Variants in PHACTR4 observed in about 807,000 individuals in gnomAD.
PHACTR4 encodes the protein protein phosphatase 1, regulatory subunit 124.
PHACTR4 carries 51 observed loss-of-function variants against 72.7 expected under a neutral mutation model. The observed-to-expected ratio is 0.70, with a 90% CI of 0.56 to 0.89. The LOEUF (loss-of-function observed/expected upper bound fraction) is 0.89, where lower values mean the gene tolerates loss of function less well. Ranked by LOEUF, PHACTR4 falls within the 40% of genes least tolerant of loss-of-function variation. The probability of loss-of-function intolerance (pLI) is 0.00; values close to 1 mark genes in which losing one functional copy is unlikely to be tolerated. For missense variants in PHACTR4, 731 were observed against 861.8 expected (o/e 0.85, Z 1.90); for synonymous variants, 255 against 302.5 (o/e 0.84, Z 1.63).
At chr1:28,483,645 C>CA (rs201735853) in intron 9 of PHACTR4, among the ~76,000 whole-genome samples, 4,009 of 151,150 alleles carry the variant, frequency 0.027, 154 homozygotes, top group African/African-American at 0.093. Flanking sequence ...ACTAAAAATA[C>CA]AAAAAAATTA....
At chr1:28,370,491 CTG>C (rs1331456278) in intron 1 of PHACTR4, among the ~76,000 whole-genome samples, 1 of 152,112 alleles carries the variant, frequency 6.6e-6, no homozygotes, top group African/African-American at 2.4e-5. Flanking sequence ...GCTGCGATGT[CTG>C]TGCAGCTCAC....
chr1:28,473,690 T>G lies in PHACTR4; in HGVS notation c.960T>G (p.Ser320Arg), dbSNP rs372131723. 4 of 1,613,984 alleles carry G rather than the reference T, an allele frequency of 2.5e-6. No homozygotes were observed. Among genetic ancestry groups the G allele is most frequent in the African/African-American group, 1.3e-5 (1 of 74,960 alleles). ...SAAAITTKTP[S>R]DEREKSTCSM... Reference sequence around the variant, plus strand: ...CTGCCATCACCACAAAAACACCAAGTGATGAAAGAGAGAAGAGCACGTGTT... The same window carrying G: ...CTGCCATCACCACAAAAACACCAAGGGATGAAAGAGAGAAGAGCACGTGTT... Residue 320 changes from serine (S) to arginine (R), a missense_variant, in exon 7 of 14, where the codon AGT (serine) becomes AGG (arginine). Transcript: ENST00000373839.
At chr1:28,441,198 A>G (rs1202679422) in intron 2 of PHACTR4, among the ~76,000 whole-genome samples, 1 of 152,066 alleles carries the variant, frequency 6.6e-6, no homozygotes, top group East Asian at 1.9e-4. Context: ...TTAAAGATTA[A>G]GGCATACTTC....
At chr1:28,476,375 A>G (rs747085125) in intron 8 of PHACTR4, 84 bp downstream of exon 8, 61 of 1,354,402 alleles carry the variant, frequency 4.5e-5, no homozygotes, top group Non-Finnish European at 5.9e-5. Flanking sequence ...CAAAAGAGAT[A>G]TGGAAACAGG....
chr1:28,438,527 G>A lies in PHACTR4; in HGVS notation c.17-20558G>A, dbSNP rs536627139. 6.1e-6 allele frequency: 8 copies of A among 1,309,750 alleles called. No individual in the cohort carries two copies. The East Asian group carries it at 2.0e-4, about 32-fold the overall frequency. The allele number at this position is 1,309,750 out of a possible 1,614,324, so 81.1% of individuals were successfully genotyped here. Reference sequence around the variant, plus strand: ...TTTATGTGAAGTTAAACACGAGAATGTTGATGATCCCAACTTTGAAATGTT... The same window carrying A: ...TTTATGTGAAGTTAAACACGAGAATATTGATGATCCCAACTTTGAAATGTT... On this transcript the variant is annotated intron_variant, in intron 2 of 13. Transcript: ENST00000373839.
intron 3 of PHACTR4, 100 bp from the exon 4 acceptor site, chr1:28,460,112 T>TAAACTA: frequency 1.5e-6 from 1 of 671,008 alleles, no homozygotes; most frequent in Non-Finnish European, 2.5e-6. Context: ...AATATAAACT[T>TAAACTA]AAACTACTTT....
At chr1:28,380,279 A>G (rs1020440405) in intron 1 of PHACTR4, among the ~76,000 whole-genome samples, 13 of 150,782 alleles carry the variant, frequency 8.6e-5, no homozygotes, top group Non-Finnish European at 1.6e-4. Context: ...GATGGTCTCG[A>G]TCTCCTGACC....
At chr1:28,414,947 T>G (rs562736831) in intron 2 of PHACTR4, among the ~76,000 whole-genome samples, 1 of 152,128 alleles carries the variant, frequency 6.6e-6, no homozygotes, top group Non-Finnish European at 1.5e-5. Flanking sequence ...TAACCTATAC[T>G]GGTGTATACT....
intron 2 of PHACTR4, chr1:28,453,603 C>A: frequency 9.0e-7 from 1 of 1,116,042 alleles, no homozygotes; most frequent in South Asian, 1.4e-5. Flanking sequence ...GCATTTCTGA[C>A]CTTCTACAGT....
chr1:28,415,300 C>A (rs1385437265), intron 2 of PHACTR4, among the ~76,000 whole-genome samples: 1 of 151,456 alleles, frequency 6.6e-6, no homozygotes, highest in African/African-American at 2.4e-5. Context: ...GAAAAAAATT[C>A]ATGGCTACAC....
intron 2 of PHACTR4, among the ~76,000 whole-genome samples, chr1:28,454,553 C>T (rs958986952): frequency 1.4e-4 from 22 of 151,838 alleles, no homozygotes; most frequent in East Asian, 1.9e-4. Flanking sequence ...TGTGAGCCGC[C>T]GCGCCCGGCC....
rs757621637 is a variant in PHACTR4 at position 28,466,445 on chromosome 1, C to T, written c.500C>T (p.Pro167Leu). The change falls in exon 6 of 14, where the codon CCT becomes CTT. Residue 167 changes from proline (P) to leucine (L), a missense_variant. By Grantham distance (98) the Pro-to-Leu change is moderately conservative (BLOSUM62 -3). Transcript: ENST00000373839. ...GTTCCTGAGAATGTACCCAAACCACCTTTACTTCCTCCCAAAAGACCCTTG... is the reference window on the plus strand; with the variant it reads ...GTTCCTGAGAATGTACCCAAACCACTTTTACTTCCTCCCAAAAGACCCTTG... ...ESVPENVPKP[P>L]LLPPKRPLSS... 2 of 1,614,022 alleles carry T rather than the reference C, an allele frequency of 1.2e-6. No individual in the cohort carries two copies. Among genetic ancestry groups the T allele is most frequent in the Admixed American group, 1.7e-5 (1 of 59,976 alleles).
At chr1:28,401,662 G>A (rs988741942) in intron 1 of PHACTR4, among the ~76,000 whole-genome samples, 15 of 152,070 alleles carry the variant, frequency 9.9e-5, no homozygotes, top group Admixed American at 2.6e-4. Flanking sequence ...CTGGAGTGCC[G>A]TGGTGCAGTC....
chr1:28,411,187 C>T (rs1386921758), intron 2 of PHACTR4, among the ~76,000 whole-genome samples: 1 of 151,806 alleles, frequency 6.6e-6, no homozygotes, highest in East Asian at 1.9e-4. Flanking sequence ...GCTGGGACTA[C>T]AGGCACCTGC....
At chr1:28,483,369 C>G (rs1432690969) in intron 9 of PHACTR4, among the ~76,000 whole-genome samples, 1 of 151,808 alleles carries the variant, frequency 6.6e-6, no homozygotes, top group Non-Finnish European at 1.5e-5. Context: ...GCGATCAAGG[C>G]CCAGGAGGTC....
chr1:28,409,457 A>G (rs1323346060), intron 2 of PHACTR4, among the ~76,000 whole-genome samples: 1 of 152,208 alleles, frequency 6.6e-6, no homozygotes, highest in Non-Finnish European at 1.5e-5. Flanking sequence ...AACATTGACT[A>G]GGAAGACTAG....
At chr1:28,456,979 G>A (rs767307752) in intron 2 of PHACTR4, among the ~76,000 whole-genome samples, 3 of 152,122 alleles carry the variant, frequency 2.0e-5, no homozygotes, top group Non-Finnish European at 2.9e-5. Context: ...CATGTAAAGT[G>A]TTAAAGTAAT....
intron 2 of PHACTR4, among the ~76,000 whole-genome samples, chr1:28,436,062 G>A (rs1024240724): frequency 2.0e-5 from 3 of 152,126 alleles, no homozygotes; most frequent in Middle Eastern, 3.4e-3. Context: ...CCTTAGCATT[G>A]AGGTTTTCTT....
At position 28,376,576 on chromosome 1, in the gene PHACTR4, G is replaced by A. The variant is rs533919478; in HGVS notation, c.-39+6751G>A. On this transcript the variant is annotated intron_variant, in intron 1 of 13. Transcript: ENST00000373839. ...ACTCCTGAGCTGAAGCGATCCACCC[G>A]CCTTGGCCTCCCAAAGTGCTGGGAT... Among the ~76,000 whole-genome samples the A allele has an allele frequency of 2.6e-5, 4 of 151,032 alleles. 1 individual carries two copies. The highest frequency in any genetic ancestry group is 2.1e-4 in the South Asian group (1 of 4,772).
Sources: gnomAD v4.1 joint callset for allele counts (sites outside exome capture counted in the v4.1 genomes callset) on GRCh38, gnomAD v4.1.1 for gene constraint, MANE v1.5 for transcripts, NCBI Gene and HGNC (gene_info 2026-07-23, HGNC 2026-07-21) for gene names.